Variants in ZAN observed in about 807,000 individuals in gnomAD.
ZAN encodes the protein zonadhesin (gene/pseudogene).
A neutral mutation model predicts 286.2 loss-of-function variants in ZAN; 260 were observed. That is an observed-to-expected ratio of 0.91 (90% CI 0.82 to 1.01). The LOEUF (loss-of-function observed/expected upper bound fraction) is 1.01. ZAN is among the 50% of genes least tolerant of loss of function. The probability of loss-of-function intolerance (pLI) is 0.00; values close to 1 mark genes in which losing one functional copy is unlikely to be tolerated. For missense variants in ZAN, 3,410 were observed against 3,639.2 expected (o/e 0.94, Z 1.62); for synonymous variants, 1,368 against 1,417.5 (o/e 0.97, Z 0.79).
At chr7:100,751,145 TG>T in intron 12 of ZAN, 36 bp from the exon 13 acceptor site, 1 of 1,517,544 alleles carries the variant, frequency 6.6e-7, no homozygotes, top group Non-Finnish European at 8.9e-7. Flanking sequence ...GATTCATTTT[TG>T]TTTCTCTCTC....
chr7:100,765,631 T>G, intron 23 of ZAN, 77 bp downstream of exon 23: 4 of 1,448,628 alleles, frequency 2.8e-6, no homozygotes, highest in Non-Finnish European at 3.7e-6. Context: ...CTGCAAGCTC[T>G]TTCTTTTCTT....
rs889293477 is a variant in ZAN, at chr7:100,796,422, T to A, written c.8267-944T>A. ...GTCTGGAGTGGGCCCAGGAATCTGC[T>A]TTTTTTTTTTTTTTTTTTGAGTCTT... is the stretch of plus-strand genomic sequence containing the variant. On this transcript the variant is annotated intron_variant, in intron 45 of 47. Coordinates refer to ENST00000613979, the MANE Select transcript of ZAN (RefSeq NM_003386.3). Among the ~76,000 whole-genome samples, 7 of 89,018 alleles carry A rather than the reference T, an allele frequency of 7.9e-5. No individual in the cohort carries two copies. In the East Asian group the frequency reaches 3.6e-3, roughly 45 times the overall value. 58.4% of individuals were successfully genotyped at this position (89,018 alleles called of 152,430 possible). A position where few individuals can be genotyped will look rare whatever the true frequency, so the allele number is the denominator to read the frequency against.
At chr7:100,794,293 C>T in intron 44 of ZAN, 35 bp downstream of exon 44, 1 of 1,562,262 alleles carries the variant, frequency 6.4e-7, no homozygotes, top group Non-Finnish European at 8.7e-7. Flanking sequence ...CCAAGCTGCC[C>T]CATGCCCTGG....
intron 39 of ZAN, among the ~76,000 whole-genome samples, chr7:100,789,765 C>T (rs56845992): frequency 0.068 from 10,267 of 151,864 alleles, 1,082 homozygotes; most frequent in African/African-American, 0.22. Flanking sequence ...GCAAACATGG[C>T]GAAACCCCAT....
Position 100,772,976 on chromosome 7 carries a change from A to G in ZAN, c.5426-309A>G, listed in dbSNP as rs908370783. Among the ~76,000 whole-genome samples, 6 of 146,340 alleles carry G rather than the reference A, an allele frequency of 4.1e-5. No homozygotes were observed. The South Asian group carries it at 1.3e-3, about 31-fold the overall frequency. ...AACCTCTGCCTCTCAGGTTCAAGAG[A>G]TTCTCGTGTCTCAGCCACCCAAGTA... On this transcript the variant is annotated intron_variant, in intron 29 of 47. Transcript: ENST00000613979.
At position 100,751,970 on chromosome 7, in the gene ZAN, C is replaced by T. The variant is rs866760725; in HGVS notation, c.1865C>T (p.Pro622Leu). ...ATGCCCTCAGAAAAACCCACCATTC[C>T]CTCAGAAAAACCCACCATCCTCACA... The part of the protein sequence containing the change: ...PNMPSEKPTI[P>L]SEKPTILTEK... The change falls in exon 14 of 48, where the codon CCC becomes CTC. Residue 622 changes from proline (P) to leucine (L), a missense_variant. By Grantham distance (98) the Pro-to-Leu change is moderately conservative. Around this residue, in one of 7 missense-constraint regions of ZAN, gnomAD observed 872 missense variants for 938.9 expected, o/e 0.93. Transcript: ENST00000613979. The T allele has an allele frequency of 6.2e-7, 1 of 1,612,896 alleles. No homozygotes were observed. The highest frequency in any genetic ancestry group is 8.5e-7 in the Non-Finnish European group (1 of 1,179,558).
chr7:100,744,423 A>T (rs1322219868), intron 7 of ZAN, among the ~76,000 whole-genome samples: 2 of 150,302 alleles, frequency 1.3e-5, no homozygotes, highest in Non-Finnish European at 3.0e-5. Flanking sequence ...ACATAGCGAA[A>T]CCCGTCTCTA....
rs1216926033 is a variant in ZAN, at chr7:100,735,579, A to G, written c.54-141A>G. On this transcript the variant is annotated intron_variant, in intron 2 of 47. Transcript: ENST00000613979. ...AAAAAAAAAAGAAAAGAAAAAAAGA[A>G]AAAAAGTCAAGTCAGACACATTCAC... 2.3e-5 allele frequency: 15 copies of G among 656,628 alleles called. 1 individual carries two copies. The highest frequency in any genetic ancestry group is 3.2e-5 in the Non-Finnish European group (13 of 406,678). 40.7% of individuals were successfully genotyped at this position (656,628 alleles called of 1,614,324 possible). A position where few individuals can be genotyped will look rare whatever the true frequency, so the allele number is the denominator to read the frequency against.
Position 100,776,482 on chromosome 7 carries a change from G to A in ZAN, c.6235G>A (p.Glu2079Lys), listed in dbSNP as rs116813775. 8.1e-6 allele frequency: 13 copies of A among 1,601,642 alleles called. No homozygotes were observed. The highest frequency in any genetic ancestry group is 2.3e-5 in the South Asian group (2 of 88,292). The change falls in exon 34 of 48, where the codon GAA (glutamate) becomes AAA (lysine). Residue 2079 changes from glutamate (E) to lysine (K), a missense_variant. Transcript: ENST00000613979. The stretch of plus-strand genomic sequence containing the variant: ...GAACTTCAATGATGAGGAAGAGGAC[G>A]AACTAATGATGCCCAGCGATGAAGT... Reference protein sequence around the residue: ...CGNFNDEEEDELMMPSDEVAN... With the variant: ...CGNFNDEEEDKLMMPSDEVAN...
At chr7:100,739,003 CCTTCTT>C (rs1240949064) in intron 7 of ZAN, among the ~76,000 whole-genome samples, 1 of 69,664 alleles carries the variant, frequency 1.4e-5, no homozygotes, top group Non-Finnish European at 3.5e-5. Context: ...TTCTCCTTCT[CCTTCTT>C]CTTTTTCTTT....
At chr7:100,767,334 G>A in intron 25 of ZAN, 77 bp downstream of exon 25, 3 of 1,540,734 alleles carry the variant, frequency 1.9e-6, no homozygotes, top group Non-Finnish European at 2.6e-6. Flanking sequence ...TCCTTGCCCG[G>A]ATGCCCACCT....
rs769748196 is a variant in ZAN at position 100,736,528 on chromosome 7, G to A, written c.152G>A (p.Cys51Tyr). 19 of 1,523,964 alleles carry A rather than the reference G, an allele frequency of 1.2e-5. 4 individuals are homozygous for A. Among genetic ancestry groups the A allele is most frequent in the Admixed American group, 1.7e-5 (1 of 57,548 alleles). 94.4% of individuals were successfully genotyped at this position (1,523,964 alleles called of 1,614,324 possible). ...TTTGAGGATGACGCCAAACCCCTCT[G>A]TGACTGGTCCCAAGTGTCCGCAGAC... is the stretch of plus-strand genomic sequence containing the variant. The part of the protein sequence containing the change: ...CDFEDDAKPL[C>Y]DWSQVSADDE... The change falls in exon 4 of 48, where the codon TGT becomes TAT. Residue 51 changes from cysteine (C) to tyrosine (Y), a missense_variant. Around this residue, in one of 7 missense-constraint regions of ZAN, gnomAD observed 872 missense variants for 938.9 expected, o/e 0.93. Transcript: ENST00000613979.
rs1811151995 is a variant in ZAN, at chr7:100,780,848, G to A, written c.6622+1098G>A. On this transcript the variant is annotated intron_variant, in intron 35 of 47. Transcript: ENST00000613979. ...CTGACACCCGTAATCCAAGCACTTT[G>A]GGAGTCCAAGAAGGGAGGATTGCTT... Among the ~76,000 whole-genome samples, 3 of 151,862 alleles carry A rather than the reference G, an allele frequency of 2.0e-5. No homozygotes were observed. In the Admixed American group the frequency reaches 2.0e-4, roughly 10 times the overall value.
rs536850390 is a variant in ZAN, at chr7:100,749,595, A to G, written c.1250-1030A>G. Among the ~76,000 whole-genome samples, 16 of 148,064 alleles carry G rather than the reference A, an allele frequency of 1.1e-4. 1 individual carries two copies. Among genetic ancestry groups the G allele is most frequent in the Middle Eastern group, 7.4e-3 (2 of 270 alleles). On this transcript the variant is annotated intron_variant, in intron 11 of 47. Coordinates refer to ENST00000613979, the MANE Select transcript of ZAN (RefSeq NM_003386.3). The stretch of plus-strand genomic sequence containing the variant: ...GCAGAGCTTGCAGTGAGCCGAGATC[A>G]CGCCATTGTACTCCAGCCTGGGTGA...
At chr7:100,772,043 C>T (rs752346850) in intron 29 of ZAN, 23 bp downstream of exon 29, 3 of 1,572,366 alleles carry the variant, frequency 1.9e-6, no homozygotes, top group African/African-American at 2.7e-5. Context: ...CCACCTGTTC[C>T]CACAGCCCAT....
Position 100,797,576 on chromosome 7 carries a change from G to C in ZAN, c.8367-1G>C, listed in dbSNP as rs1258039769. ...CATGTCTATTCCCCCATGCCTTCTA[G>C]AGAGAAAACGCAGGAGGGAGACAGA... On this transcript the variant is annotated splice_acceptor_variant, in intron 46 of 47. Coordinates refer to ENST00000613979, the MANE Select transcript of ZAN (RefSeq NM_003386.3). LOFTEE classifies it high-confidence loss of function. The C allele has an allele frequency of 4.3e-6, 7 of 1,613,432 alleles. No homozygotes were observed. The highest frequency in any genetic ancestry group is 3.3e-5 in the Admixed American group (2 of 59,966).
chr7:100,760,080 G>A (rs1809447143), intron 18 of ZAN, among the ~76,000 whole-genome samples: 1 of 152,144 alleles, frequency 6.6e-6, no homozygotes, highest in Non-Finnish European at 1.5e-5. Flanking sequence ...CTGGTGTGGT[G>A]GCACTTGCCT....
rs760086332 is a variant in ZAN, at chr7:100,738,470, T to C, written c.623T>C (p.Met208Thr). The C allele has an allele frequency of 6.8e-6, 10 of 1,470,276 alleles. No individual in the cohort carries two copies. The highest frequency in any genetic ancestry group is 2.0e-5 in the Admixed American group (1 of 49,292). The allele number at this position is 1,470,276 out of a possible 1,614,324, so 91.1% of individuals were successfully genotyped here. ...RRGSCNRVCM[M>T]QTCSFDIPND... Reference sequence around the variant, plus strand: ...CTTTCTTTCCTCTCAGTCTGTATGATGCAAACATGCAGCTTTGACATTCCA... The same window carrying C: ...CTTTCTTTCCTCTCAGTCTGTATGACGCAAACATGCAGCTTTGACATTCCA... The change falls in exon 7 of 48, where the codon ATG (methionine) becomes ACG (threonine). Residue 208 changes from methionine (M) to threonine (T), a missense_variant. Physicochemically the swap from Met to Thr is moderately conservative, Grantham distance 81. Coordinates refer to ENST00000613979, the MANE Select transcript of ZAN (RefSeq NM_003386.3).
intron 39 of ZAN, 125 bp from the exon 40 acceptor site, chr7:100,790,817 A>G: frequency 9.6e-7 from 1 of 1,045,444 alleles, no homozygotes; most frequent in Non-Finnish European, 1.3e-6. Context: ...CAGGAGGCGG[A>G]GGTTGCAGTG....
Sources: gnomAD v4.1 joint callset for allele counts (sites outside exome capture counted in the v4.1 genomes callset) on GRCh38, gnomAD v4.1.1 for gene constraint, gnomAD v4.1.1 regional missense constraint, MANE v1.5 for transcripts, NCBI Gene and HGNC (gene_info 2026-07-23, HGNC 2026-07-21) for gene names.